RNF38: variants seen among roughly 807,000 people sequenced by gnomAD.
RNF38 encodes E3 ubiquitin-protein ligase RNF38.
A neutral mutation model predicts 67.2 loss-of-function variants in RNF38; 15 were observed. That is an observed-to-expected ratio of 0.22 (90% confidence interval 0.15 to 0.34). RNF38 has a LOEUF of 0.34. Among genes scored for constraint, RNF38 ranks in the 10% least tolerant of loss-of-function variants. RNF38 has a pLI of 1.00. For synonymous variants in RNF38, 220 were observed against 218.8 expected (o/e 1.01, Z -0.05); for missense variants, 524 against 639.9 (o/e 0.82, Z 1.95).
At chr9:36,418,223 T>C (rs551041327) in intron 2 of RNF38, among the ~76,000 whole-genome samples, 3 of 152,194 alleles carry the variant, frequency 2.0e-5, no homozygotes, top group African/African-American at 4.8e-5. Flanking sequence ...ACACAGGGTT[T>C]TGCCATGTTG....
rs181828902 is a variant in RNF38, at chr9:36,430,453, C to T, written n.242-5770G>A. Among the ~76,000 whole-genome samples, 424 of 152,276 alleles carry T rather than the reference C, an allele frequency of 2.8e-3. 2 individuals are homozygous for T. Among genetic ancestry groups the T allele is most frequent in the Non-Finnish European group, 4.4e-3 (301 of 68,020 alleles). On this transcript the variant is annotated intron_variant and non_coding_transcript_variant, in intron 1 of 3. Coordinates refer to the RNF38 transcript ENST00000488058. ...CTCCTGACCTCAGGTGATGCACCCA[C>T]CTCAGCCTCCCAAAGTGCTGGGATT... is the stretch of plus-strand genomic sequence containing the variant.
At chr9:36,413,406 T>C (rs1467001411) in intron 2 of RNF38, among the ~76,000 whole-genome samples, 1 of 152,166 alleles carries the variant, frequency 6.6e-6, no homozygotes, top group African/African-American at 2.4e-5. Context: ...TCTTTATAAA[T>C]TTCCCAGCCT....
intron 1 of RNF38, among the ~76,000 whole-genome samples, chr9:36,393,477 T>TTGTGTGTGTGTGTGTGTG (rs58913703): frequency 1.7e-3 from 147 of 87,772 alleles, no homozygotes; most frequent in Admixed American, 3.1e-3. Flanking sequence ...CACACACACA[T>TTGTGTGTGTGTGTGTGTG]TGTGTGTGTG....
intron 1 of RNF38, among the ~76,000 whole-genome samples, chr9:36,443,721 A>T (rs1210577303): frequency 6.6e-6 from 1 of 152,212 alleles, no homozygotes; most frequent in Non-Finnish European, 1.5e-5. Flanking sequence ...TAACCACTGA[A>T]CTGAAAAAAA....
intron 1 of RNF38, among the ~76,000 whole-genome samples, chr9:36,395,843 A>G (rs1009340514): frequency 4.6e-5 from 7 of 152,356 alleles, no homozygotes; most frequent in African/African-American, 1.7e-4. Flanking sequence ...ATTACGGTAC[A>G]CTTGCTTGAA....
chr9:36,421,555 C>T (rs533922629), intron 2 of RNF38, among the ~76,000 whole-genome samples: 4 of 151,922 alleles, frequency 2.6e-5, no homozygotes, highest in South Asian at 4.2e-4. Flanking sequence ...CCCAGCTACT[C>T]GGGAGGCTGA....
chr9:36,471,724 T>G (rs1840002560), intron 1 of RNF38, among the ~76,000 whole-genome samples: 1 of 152,226 alleles, frequency 6.6e-6, no homozygotes, highest in African/African-American at 2.4e-5. Context: ...AACTTCAGTT[T>G]TTATCTCAAC....
At chr9:36,365,382 C>G (rs997376422) in intron 4 of RNF38, among the ~76,000 whole-genome samples, 1 of 151,948 alleles carries the variant, frequency 6.6e-6, no homozygotes, top group Admixed American at 6.6e-5. Context: ...GCCTGGCCAA[C>G]ATGGTGAAAC....
Position 36,338,723 on chromosome 9 carries a change from A to G in RNF38, c.*1029T>C, listed in dbSNP as rs375168174. 3.9e-5 allele frequency: 6 copies of G among 152,528 alleles called. No homozygotes were observed. The highest frequency in any genetic ancestry group is 3.9e-4 in the East Asian group (2 of 5,190). 9.4% of individuals were successfully genotyped at this position (152,528 alleles called of 1,614,324 possible). On this transcript the variant is annotated 3_prime_UTR_variant, in exon 12 of 12. Coordinates refer to ENST00000259605, the MANE Select transcript of RNF38 (RefSeq NM_022781.5). ...GTCTTCTTAGAAATATATTAATCAA[A>G]TATCTTCAGAATAGACTAGACTACA...
At chr9:36,485,573 C>T (rs1273476959) in intron 1 of RNF38, among the ~76,000 whole-genome samples, 4 of 152,164 alleles carry the variant, frequency 2.6e-5, no homozygotes, top group Admixed American at 2.6e-4. Context: ...CTCACAAGTA[C>T]ATTTTCTTGC....
chr9:36,419,496 A>G (rs1478582511), intron 2 of RNF38, among the ~76,000 whole-genome samples: 2 of 152,262 alleles, frequency 1.3e-5, no homozygotes, highest in African/African-American at 4.8e-5. Flanking sequence ...GAAAAAATAT[A>G]TAATTGAGGC....
chr9:36,360,360 G>GT (rs1834439482), intron 4 of RNF38, among the ~76,000 whole-genome samples: 1 of 151,928 alleles, frequency 6.6e-6, no homozygotes, highest in Non-Finnish European at 1.5e-5. Flanking sequence ...TTAAATTCTG[G>GT]TATTTTTAAA....
chr9:36,426,247 T>G (rs942767853), intron 1 of RNF38, among the ~76,000 whole-genome samples: 3 of 152,186 alleles, frequency 2.0e-5, no homozygotes, highest in Non-Finnish European at 4.4e-5. Context: ...CAATTTTTTT[T>G]TTTTAGTATA....
At chr9:36,372,685 T>C (rs978141201) in intron 3 of RNF38, 5 of 520,158 alleles carry the variant, frequency 9.6e-6, no homozygotes, top group African/African-American at 9.6e-5. Context: ...TGGTAAATAC[T>C]CTCTACTACT....
At chr9:36,485,580 T>C (rs1302072880) in intron 1 of RNF38, among the ~76,000 whole-genome samples, 2 of 152,216 alleles carry the variant, frequency 1.3e-5, no homozygotes, top group African/African-American at 4.8e-5. Context: ...GTACATTTTC[T>C]TGCTTTTAAG....
chr9:36,365,662 G>GGT (rs1554681807), intron 4 of RNF38, among the ~76,000 whole-genome samples: 7 of 103,600 alleles, frequency 6.8e-5, no homozygotes, highest in South Asian at 6.8e-4. Flanking sequence ...AAGACTGATA[G>GGT]TTTTTTTTTT....
chr9:36,400,925 C>T, upstream of RNF38: 9 of 984,982 alleles, frequency 9.1e-6, no homozygotes, highest in Non-Finnish European at 1.1e-5. Flanking sequence ...CCCCGCCGCA[C>T]CCCGCCTCAC....
At chr9:36,368,075 A>C (rs1028162560) in intron 4 of RNF38, among the ~76,000 whole-genome samples, 9 of 151,556 alleles carry the variant, frequency 5.9e-5, no homozygotes, top group Non-Finnish European at 1.2e-4. Context: ...CTGGTCTCAA[A>C]CTCCTGGGCC....
At chr9:36,439,936 T>C (rs1416794980) in intron 1 of RNF38, among the ~76,000 whole-genome samples, 1 of 152,116 alleles carries the variant, frequency 6.6e-6, no homozygotes. Flanking sequence ...CTATTTATTA[T>C]ACAGCCTGCC....
Sources: allele counts gnomAD v4.1 joint callset (sites outside exome capture counted in the v4.1 genomes callset), GRCh38; gene constraint gnomAD v4.1.1; transcripts MANE v1.5; gene names NCBI Gene and HGNC (gene_info 2026-07-23, HGNC 2026-07-21).